The following DMD variants were observed in gnomAD, a reference collection of about 807,000 sequenced individuals.
DMD encodes the protein dystrophin.
DMD carries 63 observed loss-of-function variants against 330.1 expected under a neutral mutation model. The observed-to-expected ratio is 0.19, with a 90% CI of 0.16 to 0.24. The LOEUF (loss-of-function observed/expected upper bound fraction) is 0.24. DMD is among the 10% of genes least tolerant of loss of function. DMD has a pLI of 1.00. For missense variants in DMD, 3,344 were observed against 2,684.1 expected, an observed-to-expected ratio of 1.25 and a Z score of -5.43; for synonymous variants, 1,223 against 959.8, an observed-to-expected ratio of 1.27 and a Z score of -5.07.
chrX:31,979,878 A>G (rs1258505719), intron 44 of DMD, among the ~76,000 whole-genome samples: 1 of 112,589 alleles, frequency 8.9e-6, no homozygotes, highest in Non-Finnish European at 1.9e-5. Context: ...TTCACCCAAT[A>G]ATCATAAAGG....
At chrX:33,009,372 G>A (rs1199637464) in intron 2 of DMD, among the ~76,000 whole-genome samples, 2 of 50,697 alleles carry the variant, frequency 3.9e-5, no homozygotes, top group African/African-American at 1.8e-4. Flanking sequence ...ATGTGTATAT[G>A]TGTATATACA....
chrX:32,249,239 T>C (rs1158366828), intron 43 of DMD, among the ~76,000 whole-genome samples: 1 of 112,246 alleles, frequency 8.9e-6, no homozygotes, highest in Admixed American at 9.5e-5. Context: ...ATCAATTTTA[T>C]TTCAGTTACT....
At chrX:32,904,432 A>G (rs1274949774) in intron 2 of DMD, among the ~76,000 whole-genome samples, 1 of 111,752 alleles carries the variant, frequency 8.9e-6, no homozygotes, top group African/African-American at 3.3e-5. Context: ...TTAATTTTGG[A>G]TAAGTGGGGT....
At chrX:33,121,245 T>TA (rs1218336525) in intron 1 of DMD, among the ~76,000 whole-genome samples, 23 of 108,782 alleles carry the variant, frequency 2.1e-4, no homozygotes, top group Non-Finnish European at 4.4e-4. Flanking sequence ...TTTTTTTTTT[T>TA]ATTGAGACGG....
chrX:32,890,981 A>G (rs2085142862), intron 2 of DMD, among the ~76,000 whole-genome samples: 1 of 112,280 alleles, frequency 8.9e-6, no homozygotes, highest in Non-Finnish European at 1.9e-5. Flanking sequence ...TTAATGATTT[A>G]GTACATTCTT....
intron 43 of DMD, among the ~76,000 whole-genome samples, chrX:32,276,946 T>C (rs1002010304): frequency 2.0e-5 from 2 of 101,466 alleles, no homozygotes; most frequent in Admixed American, 2.1e-4. Flanking sequence ...GAAAGAAAGA[T>C]AGAAAAAAAA....
chrX:31,372,310 C>T (rs1223497537), intron 60 of DMD, among the ~76,000 whole-genome samples: 1 of 112,026 alleles, frequency 8.9e-6, no homozygotes, highest in Non-Finnish European at 1.9e-5. Flanking sequence ...AAGTAGAAAG[C>T]TGCTGCAATG....
chrX:31,363,442 G>A (rs1450596215), intron 60 of DMD, among the ~76,000 whole-genome samples: 3 of 92,532 alleles, frequency 3.2e-5, no homozygotes, highest in African/African-American at 1.2e-4. Flanking sequence ...GTGCAGTGGC[G>A]CCATCTCGGC....
At chrX:31,171,504 C>T (rs972629217) in intron 73 of DMD, among the ~76,000 whole-genome samples, 9 of 109,137 alleles carry the variant, frequency 8.2e-5, no homozygotes, top group Non-Finnish European at 1.7e-4. Context: ...AAAAAGGCAT[C>T]GTAATACTTT....
At chrX:33,181,531 A>G (rs997756205) in intron 1 of DMD, among the ~76,000 whole-genome samples, 6 of 111,625 alleles carry the variant, frequency 5.4e-5, no homozygotes, top group African/African-American at 2.0e-4. Flanking sequence ...AGGGAAGGAG[A>G]AAGTTTGACT....
chrX:32,503,221 C>G (rs1169976014), intron 18 of DMD, among the ~76,000 whole-genome samples: 1 of 110,882 alleles, frequency 9.0e-6, no homozygotes, highest in Admixed American at 9.6e-5. Context: ...CATCTCTAAA[C>G]AAACAATTTT....
intron 48 of DMD, among the ~76,000 whole-genome samples, chrX:31,859,078 A>T (rs902612325): frequency 8.9e-6 from 1 of 112,029 alleles, no homozygotes; most frequent in Admixed American, 9.5e-5. Context: ...ATACAAGCTC[A>T]GAGCCACAAG....
rs369278855 is a variant in DMD, at chrX:31,980,137, C to T, written c.6439-11623G>A. Among the ~76,000 whole-genome samples, 280 of 112,010 alleles carry T rather than the reference C, an allele frequency of 2.5e-3. 8 individuals carry two copies. In the South Asian group the frequency reaches 0.098, roughly 39 times the overall value. On this transcript the variant is annotated intron_variant, in intron 44 of 78. Transcript: ENST00000357033. ...ACCACTTTAGAAAACTGTTTAGGTG[C>T]TGTTTGACAATATCTCATAAATTTA...
At chrX:32,299,163 T>C (rs1476618842) in intron 42 of DMD, among the ~76,000 whole-genome samples, 1 of 110,857 alleles carries the variant, frequency 9.0e-6, no homozygotes, top group Non-Finnish European at 1.9e-5. Context: ...GTACAGCTAC[T>C]GAATCAAGGG....
At chrX:32,894,269 T>A (rs1031904949) in intron 2 of DMD, among the ~76,000 whole-genome samples, 1 of 111,762 alleles carries the variant, frequency 8.9e-6, no homozygotes, top group Admixed American at 9.5e-5. Context: ...GGCATCAGGT[T>A]CAAGAGACTG....
intron 29 of DMD, among the ~76,000 whole-genome samples, chrX:32,431,132 G>T (rs757853072): frequency 9.1e-6 from 1 of 110,119 alleles, no homozygotes; most frequent in Non-Finnish European, 1.9e-5. Flanking sequence ...TTTTTTTGAG[G>T]AATCTCCATA....
At chrX:31,835,786 G>A (rs1336504065) in intron 49 of DMD, among the ~76,000 whole-genome samples, 1 of 111,702 alleles carries the variant, frequency 9.0e-6, no homozygotes, top group Non-Finnish European at 1.9e-5. Context: ...TTGTTTGCAA[G>A]GACAAACTGG....
intron 45 of DMD, among the ~76,000 whole-genome samples, chrX:31,949,901 G>A (rs73619022): frequency 0.07 from 6,978 of 100,062 alleles, 176 homozygotes; most frequent in East Asian, 0.094. Context: ...TTTTTTTTTT[G>A]GTCAGTCTAG....
At chrX:31,593,482 A>T (rs2076970443) in intron 55 of DMD, among the ~76,000 whole-genome samples, 1 of 111,468 alleles carries the variant, frequency 9.0e-6, no homozygotes, top group South Asian at 3.7e-4. Context: ...ACTTTACTCA[A>T]TTGATGCTCA....
Sources: allele counts gnomAD v4.1 joint callset (sites outside exome capture counted in the v4.1 genomes callset), GRCh38; gene constraint gnomAD v4.1.1; transcripts MANE v1.5; gene names NCBI Gene and HGNC (gene_info 2026-07-23, HGNC 2026-07-21).